MALRD1: variants seen among roughly 807,000 people sequenced by gnomAD.
The protein encoded by MALRD1 is MAM and LDL receptor class A domain containing 1.
MALRD1 carries 247 observed loss-of-function variants against 242.1 expected under a neutral mutation model. The ratio of observed to expected loss-of-function variants is 1.02; its 90% CI spans 0.92 to 1.13. The LOEUF is 1.13. Ranked by LOEUF, MALRD1 falls within the 50% of genes most tolerant of loss-of-function variation. The pLI is 0.00. For synonymous variants in MALRD1, 995 were observed against 866.6 expected (o/e 1.15, Z -2.60); for missense variants, 2,989 against 2,533.1 (o/e 1.18, Z -3.86).
intron 18 of MALRD1, among the ~76,000 whole-genome samples, chr10:19,253,455 A>G (rs1839381204): frequency 1.3e-5 from 2 of 151,922 alleles, no homozygotes; most frequent in South Asian, 4.1e-4. Context: ...CAGTTCTATG[A>G]ATTTCAACAA....
intron 10 of MALRD1, among the ~76,000 whole-genome samples, chr10:19,139,363 AT>A (rs1833462377): frequency 6.6e-6 from 1 of 152,206 alleles, no homozygotes; most frequent in Admixed American, 6.5e-5. Flanking sequence ...ACAAATTTGA[AT>A]TTGTAATATC....
chr10:19,648,521 CAATA>C (rs752153698), intron 36 of MALRD1, among the ~76,000 whole-genome samples: 4 of 152,074 alleles, frequency 2.6e-5, no homozygotes, highest in Non-Finnish European at 5.9e-5. Context: ...GATAATCAAC[CAATA>C]AATGAACAAC....
At position 19,455,542 on chromosome 10, in the gene MALRD1, T is replaced by C. The variant is rs375454019; in HGVS notation, c.5029+5052T>C. ...TTTTTCATCTATAAAATAGTAGTAATAATGCTTCCATCTCATAAAGTTCTT... is the reference window on the plus strand; with the variant it reads ...TTTTTCATCTATAAAATAGTAGTAACAATGCTTCCATCTCATAAAGTTCTT... On this transcript the variant is annotated intron_variant, in intron 29 of 39. Coordinates refer to ENST00000454679, the MANE Select transcript of MALRD1 (RefSeq NM_001142308.3). Among the ~76,000 whole-genome samples the C allele has an allele frequency of 1.6e-4, 25 of 152,310 alleles. No individual in the cohort carries two copies. In the South Asian group the frequency reaches 3.3e-3, roughly 20 times the overall value.
At chr10:19,422,615 A>T (rs16918717) in intron 28 of MALRD1, among the ~76,000 whole-genome samples, 2,202 of 152,294 alleles carry the variant, frequency 0.014, 58 homozygotes, top group African/African-American at 0.05. Context: ...ATACTTCATG[A>T]TTAGATGTAG....
At chr10:19,446,810 T>C (rs1412279189) in intron 28 of MALRD1, among the ~76,000 whole-genome samples, 1 of 152,188 alleles carries the variant, frequency 6.6e-6, no homozygotes, top group Admixed American at 6.5e-5. Context: ...GTTAATCACT[T>C]TTCACATGCT....
chr10:19,177,455 G>A (rs773291406), intron 14 of MALRD1, among the ~76,000 whole-genome samples: 1 of 151,908 alleles, frequency 6.6e-6, no homozygotes, highest in Non-Finnish European at 1.5e-5. Context: ...AGTATTTGGA[G>A]GTATAGGGGC....
At chr10:19,167,131 G>A (rs201964869) in intron 13 of MALRD1, among the ~76,000 whole-genome samples, 8 of 152,056 alleles carry the variant, frequency 5.3e-5, no homozygotes, top group East Asian at 3.9e-4. Context: ...AGGCTGAGGC[G>A]GGTGGATCAC....
chr10:19,308,930 T>C (rs573781232), intron 21 of MALRD1, among the ~76,000 whole-genome samples: 4 of 151,586 alleles, frequency 2.6e-5, no homozygotes, highest in Non-Finnish European at 5.9e-5. Flanking sequence ...TATGAGAGAC[T>C]AATATTATAT....
chr10:19,719,219 CATACATATATATATATATATATAT>C (rs1296463667), intron 38 of MALRD1, among the ~76,000 whole-genome samples: 407 of 30,340 alleles, frequency 0.013, 21 homozygotes, highest in Admixed American at 0.046. Flanking sequence ...TATACACATA[CATACATATATATATATATATATAT>C]ATATATATAT....
intron 32 of MALRD1, among the ~76,000 whole-genome samples, chr10:19,540,053 G>A (rs531919518): frequency 6.6e-6 from 1 of 151,966 alleles, no homozygotes; most frequent in Non-Finnish European, 1.5e-5. Context: ...ACTTTTGAAT[G>A]AGCTGCTCAA....
intron 38 of MALRD1, among the ~76,000 whole-genome samples, chr10:19,701,502 G>A (rs1034022618): frequency 6.6e-6 from 1 of 152,010 alleles, no homozygotes; most frequent in African/African-American, 2.4e-5. Context: ...CTCAAAACTG[G>A]GTTGGGGCGA....
At chr10:19,131,378 A>G (rs1833098141) in intron 8 of MALRD1, among the ~76,000 whole-genome samples, 1 of 152,134 alleles carries the variant, frequency 6.6e-6, no homozygotes, top group Admixed American at 6.6e-5. Flanking sequence ...AGGTGAAGGC[A>G]AGTTGTTAAA....
At chr10:19,691,449 T>C (rs1165275181) in intron 36 of MALRD1, among the ~76,000 whole-genome samples, 2 of 152,114 alleles carry the variant, frequency 1.3e-5, no homozygotes, top group Non-Finnish European at 2.9e-5. Flanking sequence ...TATACACTCA[T>C]ATTCAAAAGC....
chr10:19,531,121 A>T, intron 31 of MALRD1, 73 bp from the exon 32 acceptor site: 2 of 1,249,142 alleles, frequency 1.6e-6, no homozygotes, highest in Non-Finnish European at 2.2e-6. Flanking sequence ...GATATCTGTT[A>T]ATAGTTTAAA....
At chr10:19,154,642 G>A (rs536135982) in intron 11 of MALRD1, among the ~76,000 whole-genome samples, 6 of 152,316 alleles carry the variant, frequency 3.9e-5, no homozygotes, top group East Asian at 3.9e-4. Context: ...AGACAACAAT[G>A]TCAAACATGT....
intron 33 of MALRD1, among the ~76,000 whole-genome samples, chr10:19,591,921 A>G (rs761646164): frequency 6.6e-5 from 10 of 152,240 alleles, no homozygotes; most frequent in Non-Finnish European, 8.8e-5. Context: ...ATCAAAAAGT[A>G]TAGATTTATA....
intron 26 of MALRD1, among the ~76,000 whole-genome samples, chr10:19,363,836 C>T (rs1845000387): frequency 6.6e-6 from 1 of 152,058 alleles, no homozygotes; most frequent in African/African-American, 2.4e-5. Context: ...ATTCTAACTC[C>T]CAAGACATCC....
intron 36 of MALRD1, among the ~76,000 whole-genome samples, chr10:19,665,063 A>G (rs528934327): frequency 1.3e-5 from 2 of 152,296 alleles, no homozygotes; most frequent in African/African-American, 2.4e-5. Context: ...TTCATTAACT[A>G]GGGCTCTGCA....
chr10:19,716,417 C>A lies in MALRD1; in HGVS notation c.6315-14289C>A, dbSNP rs564654430. On this transcript the variant is annotated intron_variant, in intron 38 of 39. Transcript: ENST00000454679. Reference sequence around the variant, plus strand: ...TAAAACTGTGTGGCACCTGCCCCAACTCTCTCTTGCTCCTGCCCCAGCCAT... The same window carrying A: ...TAAAACTGTGTGGCACCTGCCCCAAATCTCTCTTGCTCCTGCCCCAGCCAT... Among the ~76,000 whole-genome samples the A allele has an allele frequency of 1.3e-4, 20 of 152,312 alleles. No homozygotes were observed. The South Asian group carries it at 2.9e-3, about 22-fold the overall frequency.
Sources: gnomAD v4.1 joint callset for allele counts (sites outside exome capture counted in the v4.1 genomes callset) on GRCh38, gnomAD v4.1.1 for gene constraint, MANE v1.5 for transcripts, NCBI Gene and HGNC (gene_info 2026-07-23, HGNC 2026-07-21) for gene names.